Variants in DACH1 observed in about 807,000 individuals in gnomAD.
The protein encoded by DACH1 is dachshund homolog 1.
Under a neutral mutation model 54.2 loss-of-function variants are expected in DACH1, and 12 were observed. The observed-to-expected ratio is 0.22, with a 90% CI of 0.14 to 0.36. The LOEUF (loss-of-function observed/expected upper bound fraction) is 0.36. DACH1 is among the 10% of genes least tolerant of loss of function. DACH1 has a pLI of 1.00. For missense variants in DACH1, 805 were observed against 929.8 expected (o/e 0.87, Z 1.75); for synonymous variants, 386 against 366.2 (o/e 1.05, Z -0.62).
At chr13:71,802,667 A>T (rs111665545) in intron 1 of DACH1, among the ~76,000 whole-genome samples, 3,731 of 152,234 alleles carry the variant, frequency 0.025, 165 homozygotes, top group African/African-American at 0.084. Flanking sequence ...ATCAAAACAA[A>T]GAAGGTCTAA....
intron 1 of DACH1, among the ~76,000 whole-genome samples, chr13:71,779,584 C>T (rs575105586): frequency 3.6e-4 from 54 of 152,110 alleles, no homozygotes; most frequent in Non-Finnish European, 6.3e-4. Context: ...TTAATGCTTG[C>T]AGAGCGCTTT....
intron 1 of DACH1, among the ~76,000 whole-genome samples, chr13:71,750,803 TCACATAATTAGC>T (rs1884888444): frequency 6.6e-6 from 1 of 152,178 alleles, no homozygotes; most frequent in African/African-American, 2.4e-5. Flanking sequence ...AATATGTAGT[TCACATAATTAGC>T]TCTTGTAATA....
chr13:71,499,469 A>T (rs1203891116), intron 6 of DACH1, among the ~76,000 whole-genome samples: 1 of 152,166 alleles, frequency 6.6e-6, no homozygotes, highest in African/African-American at 2.4e-5. Flanking sequence ...TAGATGACTG[A>T]CTCAGAACAT....
At chr13:71,454,634 C>T (rs760039395) in intron 10 of DACH1, among the ~76,000 whole-genome samples, 1 of 152,124 alleles carries the variant, frequency 6.6e-6, no homozygotes, top group Non-Finnish European at 1.5e-5. Context: ...GGCCTCTGGC[C>T]AATGGCCAGC....
chr13:71,531,103 C>CT (rs1284386455), intron 6 of DACH1, among the ~76,000 whole-genome samples: 2 of 152,006 alleles, frequency 1.3e-5, no homozygotes, highest in Admixed American at 1.3e-4. Flanking sequence ...ATAGCTTCCT[C>CT]TTGTTAGATA....
intron 1 of DACH1, among the ~76,000 whole-genome samples, chr13:71,756,340 C>T (rs1251647848): frequency 6.6e-6 from 1 of 151,894 alleles, no homozygotes. Context: ...CCACCGCACC[C>T]GGCCAAGACA....
At chr13:71,635,723 C>T (rs778697734) in intron 2 of DACH1, among the ~76,000 whole-genome samples, 2 of 152,092 alleles carry the variant, frequency 1.3e-5, no homozygotes, top group African/African-American at 4.8e-5. Context: ...ACCCTCCCCC[C>T]TCTTCCATAT....
chr13:71,792,952 A>C (rs1018897337), intron 1 of DACH1, among the ~76,000 whole-genome samples: 1 of 152,174 alleles, frequency 6.6e-6, no homozygotes, highest in African/African-American at 2.4e-5. Context: ...GCAAAATACT[A>C]TATTCCTAAG....
chr13:71,721,254 C>T (rs1295600366), intron 1 of DACH1, among the ~76,000 whole-genome samples: 1 of 152,080 alleles, frequency 6.6e-6, no homozygotes, highest in Admixed American at 6.6e-5. Context: ...ACCACCTAAC[C>T]TACATAATAT....
At chr13:71,631,054 C>T (rs926471112) in intron 2 of DACH1, among the ~76,000 whole-genome samples, 2 of 152,146 alleles carry the variant, frequency 1.3e-5, no homozygotes, top group African/African-American at 2.4e-5. Flanking sequence ...GCTGCCTACA[C>T]GGAGGGAAAA....
chr13:71,720,468 A>C (rs1173576667), intron 1 of DACH1, among the ~76,000 whole-genome samples: 1 of 152,192 alleles, frequency 6.6e-6, no homozygotes, highest in Non-Finnish European at 1.5e-5. Context: ...CGTCTAGTTC[A>C]AGGCTCAGCT....
chr13:71,685,831 G>T (rs1161511530), intron 1 of DACH1, among the ~76,000 whole-genome samples: 2 of 152,080 alleles, frequency 1.3e-5, no homozygotes, highest in African/African-American at 4.8e-5. Context: ...TTACTAGAAG[G>T]TGTAGACTTG....
At chr13:71,441,337 T>G (rs944338901) in intron 10 of DACH1, among the ~76,000 whole-genome samples, 3 of 152,024 alleles carry the variant, frequency 2.0e-5, no homozygotes, top group Non-Finnish European at 4.4e-5. Flanking sequence ...AAATCAAATC[T>G]TAGAGACATC....
intron 2 of DACH1, among the ~76,000 whole-genome samples, chr13:71,670,309 A>G (rs1293466203): frequency 6.6e-6 from 1 of 152,150 alleles, no homozygotes; most frequent in Non-Finnish European, 1.5e-5. Context: ...ACAATATGTC[A>G]ATTCATTTCC....
rs867638636 is a variant in DACH1 at position 71,779,151 on chromosome 13, A to T, written c.848+86771T>A. Among the ~76,000 whole-genome samples the T allele has an allele frequency of 1.8e-3, 151 of 85,244 alleles. 1 individual carries two copies. The highest frequency in any genetic ancestry group is 6.1e-3 in the African/African-American group (143 of 23,548). The allele number at this position is 85,244 out of a possible 152,430, so 55.9% of individuals were successfully genotyped here. ...TATACATATATACACATATATACAC[A>T]TATATACGTATATACGTATATATAT... On this transcript the variant is annotated intron_variant, in intron 1 of 10. Coordinates refer to ENST00000613252, the MANE Select transcript of DACH1 (RefSeq NM_080759.6).
At chr13:71,449,548 G>C (rs952196637) in intron 10 of DACH1, among the ~76,000 whole-genome samples, 39 of 151,080 alleles carry the variant, frequency 2.6e-4, no homozygotes, top group African/African-American at 9.3e-4. Flanking sequence ...AGGGGAGGGA[G>C]AGCATTAGGA....
intron 10 of DACH1, among the ~76,000 whole-genome samples, chr13:71,450,998 A>G (rs1023214656): frequency 6.6e-5 from 10 of 152,322 alleles, no homozygotes; most frequent in African/African-American, 2.4e-4. Context: ...GAATGTTCTT[A>G]AAACTGTATT....
At chr13:71,826,871 G>A (rs7999174) in intron 1 of DACH1, among the ~76,000 whole-genome samples, 4,538 of 152,044 alleles carry the variant, frequency 0.03, 216 homozygotes, top group African/African-American at 0.1. Flanking sequence ...GGTTAATTGC[G>A]TGAATCTTCA....
chr13:71,611,245 A>T (rs1235213773), intron 3 of DACH1, among the ~76,000 whole-genome samples: 1 of 152,206 alleles, frequency 6.6e-6, no homozygotes, highest in East Asian at 1.9e-4. Flanking sequence ...TTTGGAATAA[A>T]CAGGAATTTG....
Sources: gnomAD v4.1 joint callset for allele counts (sites outside exome capture counted in the v4.1 genomes callset) on GRCh38, gnomAD v4.1.1 for gene constraint, MANE v1.5 for transcripts, NCBI Gene and HGNC (gene_info 2026-07-23, HGNC 2026-07-21) for gene names.